Variants in CACNA1B observed in about 807,000 individuals in gnomAD.
The protein encoded by CACNA1B is calcium voltage-gated channel subunit alpha1 B.
Under a neutral mutation model 247.2 loss-of-function variants are expected in CACNA1B, and 70 were observed. The observed-to-expected ratio is 0.28, with a 90% CI of 0.23 to 0.35. CACNA1B has a LOEUF of 0.35. Ranked by LOEUF, CACNA1B falls within the 10% of genes least tolerant of loss-of-function variation. The probability of loss-of-function intolerance (pLI) is 1.00; values close to 1 mark genes in which losing one functional copy is unlikely to be tolerated. For synonymous variants in CACNA1B, 1,231 were observed against 1,294.4 expected (o/e 0.95, Z 1.05); for missense variants, 2,367 against 3,197.4 (o/e 0.74, Z 6.26).
intron 15 of CACNA1B, among the ~76,000 whole-genome samples, chr9:138,003,049 G>A (rs1402871240): frequency 6.6e-6 from 1 of 151,388 alleles, no homozygotes; most frequent in Non-Finnish European, 1.5e-5. Flanking sequence ...CGTCCACCTT[G>A]GCCTCCAAAG....
chr9:137,942,135 GA>G (rs1194664821), intron 6 of CACNA1B, among the ~76,000 whole-genome samples: 2 of 151,668 alleles, frequency 1.3e-5, no homozygotes, highest in Non-Finnish European at 2.9e-5. Flanking sequence ...AAATTAGCAA[GA>G]AAAAAAATCC....
At chr9:138,003,316 G>C (rs1231449654) in intron 15 of CACNA1B, among the ~76,000 whole-genome samples, 1 of 151,062 alleles carries the variant, frequency 6.6e-6, no homozygotes, top group Non-Finnish European at 1.5e-5. Flanking sequence ...GGGACTACAG[G>C]TGCGCACTAC....
intron 6 of CACNA1B, among the ~76,000 whole-genome samples, chr9:137,939,846 A>G (rs1273849958): frequency 2.4e-5 from 2 of 84,472 alleles, no homozygotes; most frequent in African/African-American, 1.6e-4. Flanking sequence ...AAATAAATAA[A>G]TAAAAAAAAA....
intron 23 of CACNA1B, among the ~76,000 whole-genome samples, chr9:138,048,017 T>C (rs1278967242): frequency 6.6e-6 from 1 of 152,110 alleles, no homozygotes; most frequent in African/African-American, 2.4e-5. Flanking sequence ...TGTGGTTGAG[T>C]GTGCACACAC....
chr9:137,979,827 A>G (rs1156925392), intron 12 of CACNA1B, among the ~76,000 whole-genome samples: 1 of 152,220 alleles, frequency 6.6e-6, no homozygotes, highest in African/African-American at 2.4e-5. Flanking sequence ...GTGGAACTAG[A>G]GAGTTATCTA....
chr9:137,889,320 G>A (rs1450704011), intron 3 of CACNA1B, among the ~76,000 whole-genome samples: 1 of 150,208 alleles, frequency 6.7e-6, no homozygotes, highest in Non-Finnish European at 1.5e-5. Flanking sequence ...TCGGGCTGGG[G>A]TTTGCCAGAC....
chr9:138,043,978 C>A, intron 21 of CACNA1B, 78 bp downstream of exon 21: 1 of 1,516,910 alleles, frequency 6.6e-7, no homozygotes, highest in Non-Finnish European at 9.0e-7. Context: ...CAGTAGCCAG[C>A]GTGCACTGAT....
rs1266557898 is a variant in CACNA1B, at chr9:138,121,896, C to T, written c.6917C>T (p.Pro2306Leu). ...YVSSLTSQSH[P>L]LRRVPNGYHC... The stretch of plus-strand genomic sequence containing the variant: ...TCCTCCCTGACCTCCCAGTCTCACC[C>T]TCTCCGCCGCGTGCCCAACGGTTAC... The change falls in exon 47 of 47, where the codon CCT becomes CTT. Residue 2306 changes from proline to leucine, a missense_variant. Pro to Leu is a moderately conservative substitution (Grantham distance 98). This residue lies in a region of CACNA1B where 773 missense variants were observed against 779.4 expected (regional missense o/e 0.99). Coordinates refer to ENST00000371372, the MANE Select transcript of CACNA1B (RefSeq NM_000718.4). This position sits in a 1 kb window ranked among gnomAD's most constrained non-coding sequence, Gnocchi z 6.8. 5.0e-6 allele frequency: 8 copies of T among 1,612,530 alleles called. No individual in the cohort carries two copies. Among genetic ancestry groups the T allele is most frequent in the Non-Finnish European group, 6.8e-6 (8 of 1,179,882 alleles).
rs1287745893 is a variant in CACNA1B at position 138,012,386 on chromosome 9, A to G, written c.2161-743A>G. 6.6e-6 allele frequency among the ~76,000 whole-genome samples: 1 copy of G among 151,852 alleles called. No individual in the cohort carries two copies. On this transcript the variant is annotated intron_variant, in intron 17 of 46. Transcript: ENST00000371372. This position sits in a 1 kb window ranked among gnomAD's most constrained non-coding sequence, Gnocchi z 4.2. ...AAGTGTGACAGATGCTCCTGGGGGGACAGGTGGGACAAAAGGAGGGACAGA... is the reference window on the plus strand; with the variant it reads ...AAGTGTGACAGATGCTCCTGGGGGGGCAGGTGGGACAAAAGGAGGGACAGA...
rs192880017 is a variant in CACNA1B, at chr9:137,986,610, C to T, written c.1901+66C>T. 50 of 1,585,104 alleles carry T rather than the reference C, an allele frequency of 3.2e-5. No homozygotes were observed. Among genetic ancestry groups the T allele is most frequent in the East Asian group, 1.1e-4 (5 of 44,714 alleles). On this transcript the variant is annotated intron_variant, in intron 14 of 46. Coordinates refer to ENST00000371372, the MANE Select transcript of CACNA1B (RefSeq NM_000718.4). This position sits in a 1 kb window ranked among gnomAD's most constrained non-coding sequence, Gnocchi z 6.0. Reference sequence around the variant, plus strand: ...GCAGGGAAGCAGAGCTCAGAGCAGACGGTGCCGCCCAGGCTGCCTCCACCC... The same window carrying T: ...GCAGGGAAGCAGAGCTCAGAGCAGATGGTGCCGCCCAGGCTGCCTCCACCC...
rs200650060 is a variant in CACNA1B at position 138,058,004 on chromosome 9, T to A, written c.4107-45T>A. 3.8e-6 allele frequency: 6 copies of A among 1,581,694 alleles called. No individual in the cohort carries two copies. Among genetic ancestry groups the A allele is most frequent in the Non-Finnish European group, 4.3e-6 (5 of 1,150,746 alleles). Reference sequence around the variant, plus strand: ...TGCAGGTCTTGAGTTCTTAGGGCTGTCTCCTTTGGGGGTTCCCCTGACACT... The same window carrying A: ...TGCAGGTCTTGAGTTCTTAGGGCTGACTCCTTTGGGGGTTCCCCTGACACT... On this transcript the variant is annotated intron_variant, in intron 27 of 46. Coordinates refer to ENST00000371372, the MANE Select transcript of CACNA1B (RefSeq NM_000718.4). This position sits in a 1 kb window ranked among gnomAD's most constrained non-coding sequence, Gnocchi z 4.7.
intron 15 of CACNA1B, among the ~76,000 whole-genome samples, chr9:138,000,803 A>G (rs1232350057): frequency 6.6e-6 from 1 of 152,212 alleles, no homozygotes; most frequent in African/African-American, 2.4e-5. Flanking sequence ...CCCCAGTGAA[A>G]GTAGATTCAT....
intron 23 of CACNA1B, 87 bp from the exon 24 acceptor site, chr9:138,049,122 T>G (rs1430323708): frequency 1.1e-5 from 10 of 892,668 alleles, no homozygotes; most frequent in East Asian, 7.3e-5. Flanking sequence ...CCCCAAGTGC[T>G]GAGATTACAG....
At chr9:137,968,744 C>A (rs2133361543) in intron 10 of CACNA1B, among the ~76,000 whole-genome samples, 1 of 152,298 alleles carries the variant, frequency 6.6e-6, no homozygotes, top group East Asian at 1.9e-4. Context: ...CCAGGACTAG[C>A]AAAGAGTCTG....
At position 138,058,821 on chromosome 9, in the gene CACNA1B, C is replaced by A; in HGVS notation, c.4473+88C>A. 2 of 1,246,120 alleles carry A rather than the reference C, an allele frequency of 1.6e-6. No homozygotes were observed. Among genetic ancestry groups the A allele is most frequent in the Non-Finnish European group, 1.1e-6 (1 of 880,932 alleles). The allele number at this position is 1,246,120 out of a possible 1,614,324, so 77.2% of individuals were successfully genotyped here. On this transcript the variant is annotated intron_variant, in intron 29 of 46. Coordinates refer to ENST00000371372, the MANE Select transcript of CACNA1B (RefSeq NM_000718.4). The surrounding 1 kb of genome is among the most constrained non-coding windows in gnomAD (Gnocchi z 4.7). Reference sequence around the variant, plus strand: ...GCTGAGTGGAGAGTCAGCCTTCTTCCTCCCTGCATGAGCCAAAGCAGTAGT... The same window carrying A: ...GCTGAGTGGAGAGTCAGCCTTCTTCATCCCTGCATGAGCCAAAGCAGTAGT...
In CACNA1B at chr9:138,120,683, C is replaced by T; in HGVS notation, c.6291C>T (p.Gly2097=). 6.6e-7 allele frequency: 1 copy of T among 1,516,810 alleles called. No homozygotes were observed. Among genetic ancestry groups the T allele is most frequent in the Non-Finnish European group, 8.8e-7 (1 of 1,138,072 alleles). The allele number at this position is 1,516,810 out of a possible 1,614,324, so 94.0% of individuals were successfully genotyped here. The change falls in exon 46 of 47, where the codon GGC becomes GGT. Residue 2097 remains glycine, a synonymous_variant. Transcript: ENST00000371372. ...PGLPPGEGPT[G]CRRERERRQE... ...TGCCCCCGGGAGAGGGGCCTACAGG[C>T]TGCCGGCGGGAACGAGAGCGCCGGC...
chr9:138,019,562 C>T (rs1266761179), intron 18 of CACNA1B, among the ~76,000 whole-genome samples: 107 of 147,754 alleles, frequency 7.2e-4, no homozygotes, highest in African/African-American at 2.6e-3. Flanking sequence ...ATGGAAGTGG[C>T]CAGGTGCAGT....
At chr9:137,983,550 A>G (rs983710619) in intron 12 of CACNA1B, among the ~76,000 whole-genome samples, 1 of 152,100 alleles carries the variant, frequency 6.6e-6, no homozygotes. Flanking sequence ...GCATGAAACA[A>G]ACAGGCAGGC....
At chr9:137,976,573 C>T (rs1958224893) in intron 12 of CACNA1B, among the ~76,000 whole-genome samples, 1 of 150,608 alleles carries the variant, frequency 6.6e-6, no homozygotes, top group Non-Finnish European at 1.5e-5. Flanking sequence ...ACACAGACGG[C>T]AGGGCAGGGC....
Sources: allele counts gnomAD v4.1 joint callset (sites outside exome capture counted in the v4.1 genomes callset), GRCh38; gene constraint gnomAD v4.1.1; regional missense constraint gnomAD v4.1.1; non-coding constraint Gnocchi (gnomAD v3.1); transcripts MANE v1.5; gene names NCBI Gene and HGNC (gene_info 2026-07-23, HGNC 2026-07-21).